Variants in NRXN1 observed in about 807,000 individuals in gnomAD.
The protein encoded by NRXN1 is neurexin 1.
NRXN1 carries 39 observed loss-of-function variants against 150.9 expected under a neutral mutation model. The observed-to-expected ratio is 0.26, with a 90% CI of 0.20 to 0.34. The LOEUF (loss-of-function observed/expected upper bound fraction) is 0.34, where lower values mean the gene tolerates loss of function less well. Among genes scored for constraint, NRXN1 ranks in the 10% least tolerant of loss-of-function variants. The probability of loss-of-function intolerance (pLI) is 1.00; values close to 1 mark genes in which losing one functional copy is unlikely to be tolerated. For missense variants in NRXN1, 1,815 were observed against 1,949.9 expected (o/e 0.93, Z 1.30); for synonymous variants, 924 against 757.0 (o/e 1.22, Z -3.62).
At chr2:50,408,537 T>C (rs1309567942) in intron 17 of NRXN1, among the ~76,000 whole-genome samples, 1 of 152,194 alleles carries the variant, frequency 6.6e-6, no homozygotes, top group African/African-American at 2.4e-5. Context: ...TTGGTGCTTT[T>C]AAAATATTTG....
At chr2:50,472,795 T>TTG (rs113192574) in intron 15 of NRXN1, among the ~76,000 whole-genome samples, 3,734 of 138,438 alleles carry the variant, frequency 0.027, 73 homozygotes, top group African/African-American at 0.049. Context: ...CCCTACAGCC[T>TTG]TGTGTGTGTG....
At chr2:50,194,195 T>C (rs1396877850) in intron 18 of NRXN1, among the ~76,000 whole-genome samples, 8 of 151,582 alleles carry the variant, frequency 5.3e-5, no homozygotes, top group Non-Finnish European at 8.9e-5. Context: ...TTGTGACTAA[T>C]ATTCACTTGA....
At chr2:50,713,886 G>A (rs1175759379) in intron 5 of NRXN1, among the ~76,000 whole-genome samples, 1 of 152,074 alleles carries the variant, frequency 6.6e-6, no homozygotes, top group Non-Finnish European at 1.5e-5. Flanking sequence ...ACAATGTGAT[G>A]GGATTTTTAT....
intron 19 of NRXN1, among the ~76,000 whole-genome samples, chr2:50,070,476 A>C (rs1437661198): frequency 6.6e-6 from 1 of 152,068 alleles, no homozygotes; most frequent in Non-Finnish European, 1.5e-5. Context: ...GCTGACTTAA[A>C]AACCTGTAAG....
intron 18 of NRXN1, among the ~76,000 whole-genome samples, chr2:50,179,922 C>T (rs990674158): frequency 4.6e-5 from 7 of 151,986 alleles, no homozygotes; most frequent in Non-Finnish European, 8.8e-5. Flanking sequence ...TTTCATACCA[C>T]GATTTTGATT....
chr2:50,040,932 T>C (rs1448283521), intron 21 of NRXN1, among the ~76,000 whole-genome samples: 1 of 152,182 alleles, frequency 6.6e-6, no homozygotes, highest in Non-Finnish European at 1.5e-5. Flanking sequence ...TTGTTACATA[T>C]GTAAACATGT....
chr2:50,207,382 T>C (rs2062679902), intron 18 of NRXN1, among the ~76,000 whole-genome samples: 2 of 152,100 alleles, frequency 1.3e-5, no homozygotes. Context: ...TAATCCCTTG[T>C]GGTCACAATG....
chr2:50,023,430 A>AT (rs1022852343), intron 21 of NRXN1: 43 of 149,486 alleles, frequency 2.9e-4, no homozygotes, highest in African/African-American at 8.3e-4. Flanking sequence ...GCCTGGTGTC[A>AT]TTTTTTTTTT....
intron 8 of NRXN1, among the ~76,000 whole-genome samples, chr2:50,603,875 T>C (rs981629787): frequency 5.3e-5 from 8 of 152,192 alleles, no homozygotes; most frequent in Non-Finnish European, 1.5e-5. Flanking sequence ...GATTAAAGAC[T>C]GCATCTCATG....
At chr2:50,878,932 G>T (rs998295064) in intron 5 of NRXN1, among the ~76,000 whole-genome samples, 2 of 151,916 alleles carry the variant, frequency 1.3e-5, no homozygotes, top group African/African-American at 4.8e-5. Context: ...GAGTAGTAAA[G>T]ATTTGTTTTT....
At position 50,160,737 on chromosome 2, in the gene NRXN1, C is replaced by T. The variant is rs559766859; in HGVS notation, c.3547-69243G>A. Among the ~76,000 whole-genome samples the T allele has an allele frequency of 5.9e-5, 9 of 152,132 alleles. No individual in the cohort carries two copies. In the East Asian group the frequency reaches 7.8e-4, roughly 13 times the overall value. ...TGTCAAACACTATCCAGAAAGCCCT[C>T]GGTCAGGTTTGTAATCTTTTCGGTA... On this transcript the variant is annotated intron_variant, in intron 18 of 22. Transcript: ENST00000401669.
chr2:49,977,012 G>A (rs1679108461), intron 21 of NRXN1, among the ~76,000 whole-genome samples: 2 of 152,090 alleles, frequency 1.3e-5, no homozygotes, highest in Admixed American at 6.6e-5. Context: ...TACCAATAAT[G>A]GTGTAGGGCT....
intron 18 of NRXN1, among the ~76,000 whole-genome samples, chr2:50,209,395 T>G (rs2062848408): frequency 6.6e-6 from 1 of 152,144 alleles, no homozygotes; most frequent in African/African-American, 2.4e-5. Flanking sequence ...GCTAGGCCCT[T>G]CACAGGCCTA....
intron 21 of NRXN1, among the ~76,000 whole-genome samples, chr2:50,033,194 G>A (rs1689443104): frequency 6.6e-6 from 1 of 151,882 alleles, no homozygotes; most frequent in Admixed American, 6.6e-5. Context: ...AAAGAACAAA[G>A]CTGGAGGCAT....
intron 17 of NRXN1, among the ~76,000 whole-genome samples, chr2:50,304,606 A>G (rs1172564035): frequency 6.6e-6 from 1 of 152,154 alleles, no homozygotes; most frequent in Non-Finnish European, 1.5e-5. Context: ...CTTGAACCCC[A>G]GAGGAAAGCA....
At chr2:50,373,709 AAGAG>A (rs199898340) in intron 17 of NRXN1, among the ~76,000 whole-genome samples, 1 of 116,956 alleles carries the variant, frequency 8.6e-6, no homozygotes, top group Admixed American at 8.9e-5. Flanking sequence ...GAAAGAAAGA[AAGAG>A]AAAGAAAGAC....
At chr2:50,401,528 T>C (rs930830833) in intron 17 of NRXN1, among the ~76,000 whole-genome samples, 9 of 152,042 alleles carry the variant, frequency 5.9e-5, no homozygotes, top group Non-Finnish European at 2.9e-5. Flanking sequence ...CTAGATTTGA[T>C]TCCCTTCCAA....
intron 5 of NRXN1, among the ~76,000 whole-genome samples, chr2:50,726,197 G>A (rs372579996): frequency 6.6e-6 from 1 of 152,192 alleles, no homozygotes. Context: ...TCTTTTACTC[G>A]ATCCCTTAAC....
intron 21 of NRXN1, among the ~76,000 whole-genome samples, chr2:50,033,572 G>C (rs913310720): frequency 3.3e-5 from 5 of 152,042 alleles, no homozygotes; most frequent in Non-Finnish European, 2.9e-5. Context: ...AACAGGCAAA[G>C]ATTTCATGAT....
Sources: allele counts gnomAD v4.1 joint callset (sites outside exome capture counted in the v4.1 genomes callset), GRCh38; gene constraint gnomAD v4.1.1; transcripts MANE v1.5; gene names NCBI Gene and HGNC (gene_info 2026-07-23, HGNC 2026-07-21).